The following ZIC4 variants were observed in gnomAD, a reference collection of about 807,000 sequenced individuals.
The protein encoded by ZIC4 is zinc finger protein ZIC 4.
Under a neutral mutation model 28.8 loss-of-function variants are expected in ZIC4, and 15 were observed. That is an observed-to-expected ratio of 0.52 (90% confidence interval 0.35 to 0.80). The LOEUF is 0.80. ZIC4 is among the 30% of genes least tolerant of loss of function. The pLI is 0.01. For synonymous variants in ZIC4, 220 were observed against 198.1 expected, an observed-to-expected ratio of 1.11 and a Z score of -0.93; for missense variants, 512 against 467.1, an observed-to-expected ratio of 1.10 and a Z score of -0.89.
At chr3:147,402,920 G>A in intron 1 of ZIC4, 108 bp from the exon 2 acceptor site, 5 of 904,172 alleles carry the variant, frequency 5.5e-6, no homozygotes, top group Non-Finnish European at 8.4e-6. Context: ...TTGATCTGAA[G>A]ATCTTTCGGT....
In ZIC4 at chr3:147,392,192, T is replaced by A; in HGVS notation, c.689-946A>T. ...TAGGGTCCGCACAGGCCAAATGGGA[T>A]CCGAGGTGTCTACCGCAACCACGCC... On this transcript the variant is annotated intron_variant, in intron 3 of 4. Transcript: ENST00000383075. The A allele has an allele frequency of 4.1e-6, 4 of 985,554 alleles. No homozygotes were observed. The South Asian group carries it at 1.9e-4, about 46-fold the overall frequency. 61.1% of individuals were successfully genotyped at this position (985,554 alleles called of 1,614,324 possible).
chr3:147,396,253 T>G lies in ZIC4; in HGVS notation c.287A>C (p.His96Pro), dbSNP rs769200254. The G allele has an allele frequency of 1.2e-6, 2 of 1,612,980 alleles. No homozygotes were observed. Among genetic ancestry groups the G allele is most frequent in the Non-Finnish European group, 1.7e-6 (2 of 1,179,450 alleles). The change falls in exon 3 of 5, where the codon CAT (histidine) becomes CCT (proline). Residue 96 changes from histidine to proline, a missense_variant. His to Pro is a moderately conservative substitution (Grantham distance 77, BLOSUM62 -2). Coordinates refer to ENST00000383075, the MANE Select transcript of ZIC4 (RefSeq NM_032153.6). The surrounding 1 kb of genome is among the most constrained non-coding windows in gnomAD (Gnocchi z 4.2). ...SDALAAAAAL[H>P]GYGGMNLTVN... ...CGTCAGGTTCATGCCCCCGTAGCCA[T>G]GCAGGGCTGCGGCAGCTGCCAGGGC...
chr3:147,390,986 A>T lies in ZIC4; in HGVS notation c.949T>A (p.Ser317Thr). ...ACCGCCGCCGAGGAGGCCACCTGGGACTTGTGGCCGCAGTCCGACGAGGGC... is the reference window on the plus strand; with the variant it reads ...ACCGCCGCCGAGGAGGCCACCTGGGTCTTGTGGCCGCAGTCCGACGAGGGC... Reference protein sequence around the residue: ...VSPSSDCGHKSQVASSAAVAA... With the variant: ...VSPSSDCGHKTQVASSAAVAA... The change falls in exon 4 of 5, where the codon TCC (serine) becomes ACC (threonine). Residue 317 changes from serine (S) to threonine (T), a missense_variant. Ser to Thr is a moderately conservative substitution (Grantham distance 58). Transcript: ENST00000383075. 6.2e-7 allele frequency: 1 copy of T among 1,613,096 alleles called. No homozygotes were observed. Among genetic ancestry groups the T allele is most frequent in the Non-Finnish European group, 8.5e-7 (1 of 1,179,784 alleles).
chr3:147,405,187 A>C (rs1385429858), intron 1 of ZIC4, among the ~76,000 whole-genome samples: 1 of 152,184 alleles, frequency 6.6e-6, no homozygotes, highest in Non-Finnish European at 1.5e-5. Flanking sequence ...GGCTGAAGTA[A>C]GTGTGGGCAG....
chr3:147,404,214 G>A, intron 1 of ZIC4: 3 of 1,462,762 alleles, frequency 2.1e-6, no homozygotes, highest in East Asian at 2.5e-5. Context: ...TGGGTGTGAG[G>A]TTCCCTAGAG....
intron 3 of ZIC4, chr3:147,393,627 G>T (rs1318280214): frequency 1.0e-5 from 3 of 289,482 alleles, no homozygotes; most frequent in African/African-American, 4.6e-5. Context: ...GCTCGGGCTA[G>T]CTGGGCCAGC....
chr3:147,394,117 C>CCCT (rs1553766572), intron 3 of ZIC4, among the ~76,000 whole-genome samples: 3 of 145,214 alleles, frequency 2.1e-5, no homozygotes, highest in African/African-American at 7.6e-5. Flanking sequence ...ATTTTTTTTC[C>CCCT]CTCTCTCTCT....
chr3:147,404,950 G>A (rs1403147337), intron 1 of ZIC4, among the ~76,000 whole-genome samples: 1 of 152,210 alleles, frequency 6.6e-6, no homozygotes, highest in African/African-American at 2.4e-5. Context: ...CTTGTCCCTG[G>A]CGGGCGCAGA....
intron 4 of ZIC4, 55 bp downstream of exon 4, chr3:147,390,876 G>A: frequency 6.4e-6 from 10 of 1,551,212 alleles, no homozygotes; most frequent in Non-Finnish European, 8.7e-6. Context: ...GTAGCTCGGG[G>A]CTGAGGATCG....
In ZIC4 at chr3:147,388,718, A is replaced by G. The variant is rs1293351207; in HGVS notation, c.*141T>C. On this transcript the variant is annotated 3_prime_UTR_variant, in exon 5 of 5. Coordinates refer to ENST00000383075, the MANE Select transcript of ZIC4 (RefSeq NM_032153.6). The stretch of plus-strand genomic sequence containing the variant: ...ATTTCAGTGCGACTTGCACATTGCC[A>G]TAGAAATCCTAACTTACCATGAAGA... The G allele has an allele frequency of 3.0e-6, 2 of 673,154 alleles. No individual in the cohort carries two copies. Among genetic ancestry groups the G allele is most frequent in the East Asian group, 2.5e-5 (1 of 39,506 alleles). The allele number at this position is 673,154 out of a possible 1,614,324, so 41.7% of individuals were successfully genotyped here.
In ZIC4 at chr3:147,388,387, C is replaced by T. The variant is rs537956348; in HGVS notation, c.*472G>A. On this transcript the variant is annotated 3_prime_UTR_variant, in exon 5 of 5. Coordinates refer to ENST00000383075, the MANE Select transcript of ZIC4 (RefSeq NM_032153.6). ...TCTTTCCCCTCTTACAAACCATTTC[C>T]TCGCCTTTAGAAACTCGCCATCAAA... is the stretch of plus-strand genomic sequence containing the variant. 8 of 164,866 alleles carry T rather than the reference C, an allele frequency of 4.9e-5. No individual in the cohort carries two copies. The highest frequency in any genetic ancestry group is 3.2e-4 in the Admixed American group (5 of 15,692). 10.2% of individuals were successfully genotyped at this position (164,866 alleles called of 1,614,324 possible).
chr3:147,391,308 A>C (rs1576455446), intron 3 of ZIC4, 62 bp from the exon 4 acceptor site: 3 of 1,468,480 alleles, frequency 2.0e-6, no homozygotes, highest in Admixed American at 2.4e-5. Context: ...GGTGCTTGCC[A>C]CCCTCCCCCA....
intron 3 of ZIC4, among the ~76,000 whole-genome samples, chr3:147,394,117 CCT>C (rs113382372): frequency 0.054 from 7,811 of 144,518 alleles, 238 homozygotes; most frequent in Non-Finnish European, 0.076. Context: ...ATTTTTTTTC[CCT>C]CTCTCTCTCT....
In ZIC4 at chr3:147,396,595, GC is replaced by G; in HGVS notation, c.71-127del. ...TCTGCAGTCAGCCGTGGAACTCAGA[GC>G]CAGACAGCGCCAGCAGTGAACCCGG... On this transcript the variant is annotated intron_variant, in intron 2 of 4. Transcript: ENST00000383075. The surrounding 1 kb of genome is among the most constrained non-coding windows in gnomAD (Gnocchi z 4.2). The G allele has an allele frequency of 8.2e-7, 1 of 1,223,936 alleles. No homozygotes were observed. The highest frequency in any genetic ancestry group is 1.1e-6 in the Non-Finnish European group (1 of 924,696). The allele number at this position is 1,223,936 out of a possible 1,614,324, so 75.8% of individuals were successfully genotyped here. A position where few individuals can be genotyped will look rare whatever the true frequency, so the allele number is the denominator to read the frequency against.
chr3:147,397,265 AGCCCATTG>A (rs2087068325), intron 2 of ZIC4: 1 of 152,136 alleles, frequency 6.6e-6, no homozygotes, highest in Admixed American at 6.6e-5. Flanking sequence ...TCGCCTGGGT[AGCCCATTG>A]GCCCGCGGCC....
At chr3:147,398,350 C>A (rs2087094569) in intron 2 of ZIC4, among the ~76,000 whole-genome samples, 1 of 152,194 alleles carries the variant, frequency 6.6e-6, no homozygotes, top group Admixed American at 6.5e-5. Context: ...AAAGTGCACG[C>A]CGCGTTTCCC....
At position 147,391,260 on chromosome 3, in the gene ZIC4, C is replaced by T. The variant is rs374050219; in HGVS notation, c.689-14G>A. 6.4e-6 allele frequency: 10 copies of T among 1,566,854 alleles called. No homozygotes were observed. The highest frequency in any genetic ancestry group is 3.6e-5 in the South Asian group (3 of 83,822). On this transcript the variant is annotated splice_polypyrimidine_tract_variant and intron_variant, in intron 3 of 4. Transcript: ENST00000383075. ...AGGGCTTCTCGCCTGGCGGAGGCAA[C>T]GCAGAGACATTAGTGCTTGTGGGTC...
chr3:147,394,468 T>A (rs1333597929), intron 3 of ZIC4, among the ~76,000 whole-genome samples: 10 of 137,380 alleles, frequency 7.3e-5, no homozygotes, highest in African/African-American at 8.2e-5. Context: ...TTTGTTTGTT[T>A]AAAAAAAAAA....
rs186862288 is a variant in ZIC4, at chr3:147,404,093, C to T, written c.-15-1281G>A. ...CTAACTTTGCATTCCTACAGAAGGG[C>T]GGCATGCTGGGCGTCCTCGCTCTGA... On this transcript the variant is annotated intron_variant, in intron 1 of 4. Coordinates refer to ENST00000383075, the MANE Select transcript of ZIC4 (RefSeq NM_032153.6). 825 of 1,536,622 alleles carry T rather than the reference C, an allele frequency of 5.4e-4. No homozygotes were observed. The highest frequency in any genetic ancestry group is 7.5e-4 in the Admixed American group (38 of 50,960).
Sources: gnomAD v4.1 joint callset for allele counts (sites outside exome capture counted in the v4.1 genomes callset) on GRCh38, gnomAD v4.1.1 for gene constraint, Gnocchi (gnomAD v3.1) non-coding constraint, MANE v1.5 for transcripts, NCBI Gene and HGNC (gene_info 2026-07-23, HGNC 2026-07-21) for gene names.